The following CIMAP1D variants were observed in gnomAD, a reference collection of about 807,000 sequenced individuals.
CIMAP1D encodes the protein CIMAP1 family member D, also known as protein CIMAP1D.
the CIMAP1D span, among the ~76,000 whole-genome samples, chr19:486,746 C>G: frequency 6.6e-6 from 1 of 151,940 alleles, no homozygotes; most frequent in East Asian, 2.0e-4. Flanking sequence ...AACCCCGTCT[C>G]TACTAAAAAT....
the CIMAP1D span, chr19:467,652 G>A: frequency 6.8e-6 from 11 of 1,609,228 alleles, no homozygotes; most frequent in Admixed American, 5.0e-5. Flanking sequence ...TACTCACCCC[G>A]AGACTTGGCC....
At chr19:470,119 C>G in the CIMAP1D span, among the ~76,000 whole-genome samples, 1 of 152,124 alleles carries the variant, frequency 6.6e-6, no homozygotes, top group Non-Finnish European at 1.5e-5. Flanking sequence ...AGTCCACCAG[C>G]CTCCCCACGC....
chr19:477,598 A>G, the CIMAP1D span, among the ~76,000 whole-genome samples: 8 of 152,130 alleles, frequency 5.3e-5, no homozygotes, highest in East Asian at 1.4e-3. Flanking sequence ...AAATCAAAAA[A>G]AAGAGAAAAA....
the CIMAP1D span, among the ~76,000 whole-genome samples, chr19:484,219 C>A: frequency 6.7e-6 from 1 of 149,178 alleles, no homozygotes; most frequent in Non-Finnish European, 1.5e-5. Flanking sequence ...TGGCTCACCA[C>A]AATCTCTGCC....
At chr19:465,625 G>A in the CIMAP1D span, among the ~76,000 whole-genome samples, 3 of 143,598 alleles carry the variant, frequency 2.1e-5, no homozygotes, top group Non-Finnish European at 4.6e-5. Flanking sequence ...GTGTGGATGG[G>A]TGTGTGGATG....
chr19:463,660 G>T, the CIMAP1D span: 1 of 865,824 alleles, frequency 1.2e-6, no homozygotes, highest in Non-Finnish European at 1.7e-6. Flanking sequence ...CCCTGCACAG[G>T]GCCATGGGTC....
the CIMAP1D span, among the ~76,000 whole-genome samples, chr19:465,686 T>C: frequency 8.8e-6 from 1 of 113,292 alleles, no homozygotes; most frequent in Non-Finnish European, 1.7e-5. Flanking sequence ...GGCAGATAGA[T>C]GGTTGTGTGG....
chr19:469,176 C>T, the CIMAP1D span, among the ~76,000 whole-genome samples: 4 of 151,814 alleles, frequency 2.6e-5, no homozygotes, highest in Non-Finnish European at 1.5e-5. Flanking sequence ...CTTCCCCAGG[C>T]CCTGGGCAAA....
At chr19:487,073 C>A in the CIMAP1D span, among the ~76,000 whole-genome samples, 19 of 152,228 alleles carry the variant, frequency 1.2e-4, no homozygotes, top group Non-Finnish European at 2.2e-4. Context: ...CAGATTTGAT[C>A]CTGCAACCTG....
the CIMAP1D span, chr19:463,756 C>G: frequency 6.6e-7 from 1 of 1,511,574 alleles, no homozygotes; most frequent in Non-Finnish European, 8.8e-7. Flanking sequence ...TTTCCCAGCC[C>G]CTCTCGCCTT....
chr19:464,562 G>A, the CIMAP1D span, among the ~76,000 whole-genome samples: 2 of 152,104 alleles, frequency 1.3e-5, no homozygotes, highest in South Asian at 2.1e-4. Flanking sequence ...CTGGACCCAG[G>A]GCCAAGCACG....
chr19:478,554 A>G, the CIMAP1D span, among the ~76,000 whole-genome samples: 2 of 152,274 alleles, frequency 1.3e-5, no homozygotes, highest in Admixed American at 6.5e-5. Context: ...TGATCGCACC[A>G]GATTCTATCA....
the CIMAP1D span, chr19:474,703 G>A: frequency 6.4e-7 from 1 of 1,564,446 alleles, no homozygotes; most frequent in Non-Finnish European, 8.7e-7. Context: ...GGCCAAGGGG[G>A]GCTGTGGCCA....
At chr19:485,356 A>T in the CIMAP1D span, among the ~76,000 whole-genome samples, 3 of 152,224 alleles carry the variant, frequency 2.0e-5, no homozygotes, top group Admixed American at 6.5e-5. Context: ...GGGCATCCCA[A>T]ACACCGCCTG....
the CIMAP1D span, chr19:489,818 G>C: frequency 2.6e-6 from 1 of 377,678 alleles, no homozygotes; most frequent in Non-Finnish European, 4.7e-6. Context: ...AGCGCGGGTT[G>C]GGTGGCGAAT....
the CIMAP1D span, among the ~76,000 whole-genome samples, chr19:470,754 G>C: frequency 6.6e-6 from 1 of 152,238 alleles, no homozygotes; most frequent in Non-Finnish European, 1.5e-5. Context: ...TTGGAGCAGC[G>C]GTAGAAAATG....
chr19:472,255 G>C, the CIMAP1D span: 2 of 441,980 alleles, frequency 4.5e-6, no homozygotes, highest in Non-Finnish European at 8.0e-6. Context: ...AGGTGGAGCA[G>C]GTTGTACAGC....
At chr19:465,095 A>C in the CIMAP1D span, among the ~76,000 whole-genome samples, 1 of 64,728 alleles carries the variant, frequency 1.5e-5, no homozygotes, top group African/African-American at 6.1e-5. Flanking sequence ...GGATAGGTGG[A>C]TGGGTGAGTG....
the CIMAP1D span, chr19:489,322 ACT>A: frequency 6.8e-6 from 1 of 147,788 alleles, no homozygotes; most frequent in Admixed American, 6.7e-5. Context: ...CCGAGCCCCG[ACT>A]CCCGACCCGC....
Sources: gnomAD v4.1 joint callset for allele counts (sites outside exome capture counted in the v4.1 genomes callset) on GRCh38, gnomAD v4.1.1 for gene constraint, MANE v1.5 for transcripts, NCBI Gene and HGNC (gene_info 2026-07-23, HGNC 2026-07-21) for gene names.